Variants in ECE1 observed in about 807,000 individuals in gnomAD.
The protein encoded by ECE1 is endothelin-converting enzyme 1.
ECE1 carries 35 observed loss-of-function variants against 98.6 expected under a neutral mutation model. The ratio of observed to expected loss-of-function variants is 0.35; its 90% CI spans 0.27 to 0.47. The LOEUF (loss-of-function observed/expected upper bound fraction) is 0.47, where lower values mean the gene tolerates loss of function less well. Among genes scored for constraint, ECE1 ranks in the 20% least tolerant of loss-of-function variants. The pLI is 1.00. For missense variants in ECE1, 814 were observed against 1,025.3 expected (o/e 0.79, Z 2.81); for synonymous variants, 394 against 407.1 (o/e 0.97, Z 0.39).
At chr1:21,288,769 G>T (rs997903004) in intron 2 of ECE1, among the ~76,000 whole-genome samples, 3 of 152,208 alleles carry the variant, frequency 2.0e-5, no homozygotes, top group Admixed American at 2.0e-4. Flanking sequence ...CTGGGAAGAG[G>T]TTTGAGACAG....
intron 10 of ECE1, among the ~76,000 whole-genome samples, chr1:21,239,244 C>A (rs1233788242): frequency 6.6e-6 from 1 of 152,238 alleles, no homozygotes; most frequent in African/African-American, 2.4e-5. Context: ...CTGCAACCTC[C>A]TGGGCATGGC....
In ECE1 at chr1:21,290,314, G is replaced by A; in HGVS notation, c.51+50C>T. ...GCCCACGGAGCGGCCCGCGCGGGGAGGGGTCCCGCCCGCCTCCCGCCCCCG... is the reference window on the plus strand; with the variant it reads ...GCCCACGGAGCGGCCCGCGCGGGGAAGGGTCCCGCCCGCCTCCCGCCCCCG... On this transcript the variant is annotated intron_variant, in intron 1 of 18. Transcript: ENST00000374893. This position sits in a 1 kb window ranked among gnomAD's most constrained non-coding sequence, Gnocchi z 7.3. The A allele has an allele frequency of 8.1e-7, 1 of 1,235,076 alleles. No individual in the cohort carries two copies. The highest frequency in any genetic ancestry group is 3.3e-5 in the South Asian group (1 of 29,872). The allele number at this position is 1,235,076 out of a possible 1,614,324, so 76.5% of individuals were successfully genotyped here.
At chr1:21,227,103 C>A in intron 16 of ECE1, 56 bp downstream of exon 16, 1 of 1,579,122 alleles carries the variant, frequency 6.3e-7, no homozygotes, top group Non-Finnish European at 8.7e-7. Flanking sequence ...AGCAATCCTC[C>A]TCTTAAAGCA....
At chr1:21,257,819 G>A (rs1469146788) in intron 6 of ECE1, among the ~76,000 whole-genome samples, 1 of 152,114 alleles carries the variant, frequency 6.6e-6, no homozygotes, top group Non-Finnish European at 1.5e-5. Context: ...CTCCTCAGAA[G>A]GGCTGGACAG....
intron 8 of ECE1, among the ~76,000 whole-genome samples, chr1:21,250,779 G>A (rs981439809): frequency 3.3e-5 from 5 of 151,592 alleles, no homozygotes; most frequent in Middle Eastern, 3.4e-3. Flanking sequence ...AGGCCGAGGC[G>A]GGCAGATCAC....
Position 21,345,117 on chromosome 1 carries a change from C to T in ECE1, c.3+259G>A. On this transcript the variant is annotated intron_variant, in intron 1 of 18. Transcript: ENST00000415912. The surrounding 1 kb of genome is among the most constrained non-coding windows in gnomAD (Gnocchi z 5.1). ...CAAAGCGAACCGGGGACCCCGAGCC[C>T]CCCACATCCGGCTGGGACCAGAACC... is the stretch of plus-strand genomic sequence containing the variant. 3.6e-6 allele frequency: 1 copy of T among 274,224 alleles called. No individual in the cohort carries two copies. The highest frequency in any genetic ancestry group is 6.4e-6 in the Non-Finnish European group (1 of 157,290). The allele number at this position is 274,224 out of a possible 1,614,324, so 17.0% of individuals were successfully genotyped here. A position where few individuals can be genotyped will look rare whatever the true frequency, so the allele number is the denominator to read the frequency against.
chr1:21,257,253 AG>A (rs1295907477), intron 7 of ECE1, among the ~76,000 whole-genome samples: 2 of 152,250 alleles, frequency 1.3e-5, no homozygotes, highest in African/African-American at 4.8e-5. Flanking sequence ...ATAAAGGGCC[AG>A]GCGAATTGTG....
At chr1:21,331,721 A>C (rs1052380159) in intron 1 of ECE1, among the ~76,000 whole-genome samples, 4 of 152,228 alleles carry the variant, frequency 2.6e-5, no homozygotes, top group Non-Finnish European at 5.9e-5. Context: ...CCTACAAAAC[A>C]GGAATAACAA....
chr1:21,225,184 C>T lies in ECE1; in HGVS notation c.2040+66G>A. 6.3e-7 allele frequency: 1 copy of T among 1,584,596 alleles called. No homozygotes were observed. The highest frequency in any genetic ancestry group is 8.6e-7 in the Non-Finnish European group (1 of 1,159,474). ...TGCCCTGGTTGTCCGTGATGATCCT[C>T]TACGGACAGGCATCTGGAAGGAGCC... On this transcript the variant is annotated intron_variant, in intron 17 of 18. Transcript: ENST00000374893. The surrounding 1 kb of genome is among the most constrained non-coding windows in gnomAD (Gnocchi z 5.3).
chr1:21,271,927 A>C (rs1398434288), intron 4 of ECE1, among the ~76,000 whole-genome samples: 1 of 151,730 alleles, frequency 6.6e-6, no homozygotes, highest in Non-Finnish European at 1.5e-5. Context: ...TAGAACTTTC[A>C]TTGGATCACA....
intron 10 of ECE1, 168 bp from the exon 11 acceptor site, chr1:21,238,412 T>C (rs1297908908): frequency 2.1e-5 from 14 of 668,692 alleles, no homozygotes; most frequent in South Asian, 3.3e-5. Flanking sequence ...AGGCCACTGA[T>C]ACCCTCACTC....
chr1:21,259,077 C>T (rs907171484), intron 5 of ECE1, among the ~76,000 whole-genome samples: 2 of 152,080 alleles, frequency 1.3e-5, no homozygotes, highest in African/African-American at 4.8e-5. Flanking sequence ...TGAATCCAGC[C>T]GCTCCCTGGG....
intron 1 of ECE1, chr1:21,298,127 A>T (rs1638409735): frequency 6.4e-6 from 1 of 156,208 alleles, no homozygotes; most frequent in Admixed American, 6.2e-5. Flanking sequence ...GTCATGAGTC[A>T]CCATGCTTGG....
At chr1:21,306,676 A>T (rs1430572535) in intron 1 of ECE1, among the ~76,000 whole-genome samples, 1 of 152,188 alleles carries the variant, frequency 6.6e-6, no homozygotes, top group Non-Finnish European at 1.5e-5. Context: ...TGAGGCACAG[A>T]AAGGTTACAG....
At position 21,307,350 on chromosome 1, in the gene ECE1, T is replaced by C. The variant is rs1057287045; in HGVS notation, c.4-17194A>G. ...ATTTGGCTGCTTAGCAGCTGTGTGA[T>C]GTTGAGCGAGTCATGTCACCTCTCG... On this transcript the variant is annotated intron_variant, in intron 1 of 18. Coordinates refer to the ECE1 transcript ENST00000415912. The surrounding 1 kb of genome is among the most constrained non-coding windows in gnomAD (Gnocchi z 4.2). Among the ~76,000 whole-genome samples the C allele has an allele frequency of 1.7e-4, 26 of 152,184 alleles. No homozygotes were observed. The highest frequency in any genetic ancestry group is 3.2e-4 in the Non-Finnish European group (22 of 68,040).
In ECE1 at chr1:21,259,240, C is replaced by T. The variant is rs559204287; in HGVS notation, c.616-401G>A. Among the ~76,000 whole-genome samples the T allele has an allele frequency of 5.9e-5, 9 of 152,238 alleles. No homozygotes were observed. The South Asian group carries it at 8.3e-4, about 14-fold the overall frequency. ...CATGTTTAAGAAGGTTGGTAAATTA[C>T]GGTCTACTTTAGTCTCAAAGTTGGG... On this transcript the variant is annotated intron_variant, in intron 5 of 18. Coordinates refer to ENST00000374893, the MANE Select transcript of ECE1 (RefSeq NM_001397.3).
chr1:21,345,218 C>G lies in ECE1; in HGVS notation c.3+158G>C, dbSNP rs952380146. 4 of 1,027,796 alleles carry G rather than the reference C, an allele frequency of 3.9e-6. No individual in the cohort carries two copies. The highest frequency in any genetic ancestry group is 9.1e-5 in the East Asian group (2 of 21,898). 63.7% of individuals were successfully genotyped at this position (1,027,796 alleles called of 1,614,324 possible). A position where few individuals can be genotyped will look rare whatever the true frequency, so the allele number is the denominator to read the frequency against. On this transcript the variant is annotated intron_variant, in intron 1 of 18. Coordinates refer to the ECE1 transcript ENST00000415912. The surrounding 1 kb of genome is among the most constrained non-coding windows in gnomAD (Gnocchi z 5.1). ...AGCCGCGCTCTGCCCGGGCGCTCCC[C>G]GACTCCACGCCTTCCGAGAGCCGGG... is the stretch of plus-strand genomic sequence containing the variant.
intron 4 of ECE1, among the ~76,000 whole-genome samples, chr1:21,262,433 C>A (rs929730084): frequency 9.9e-5 from 15 of 152,194 alleles, no homozygotes; most frequent in Non-Finnish European, 1.2e-4. Flanking sequence ...TGGCAACACT[C>A]CCAATGAAGC....
At chr1:21,292,189 T>C (rs1422441617), upstream of ECE1, among the ~76,000 whole-genome samples, 2 of 151,912 alleles carry the variant, frequency 1.3e-5, no homozygotes, top group Non-Finnish European at 2.9e-5. Flanking sequence ...AATTCTGATA[T>C]TACCACTCCC....
Sources: gnomAD v4.1 joint callset for allele counts (sites outside exome capture counted in the v4.1 genomes callset) on GRCh38, gnomAD v4.1.1 for gene constraint, Gnocchi (gnomAD v3.1) non-coding constraint, MANE v1.5 for transcripts, NCBI Gene and HGNC (gene_info 2026-07-23, HGNC 2026-07-21) for gene names.